The following ADK variants were observed in gnomAD, a reference collection of about 807,000 sequenced individuals.
The protein encoded by ADK is N6,N6-dimethyladenosine kinase.
In ADK, 24 loss-of-function variants were observed where a neutral mutation model predicts 44.7. The ratio of observed to expected loss-of-function variants is 0.54; its 90% confidence interval spans 0.39 to 0.76. The LOEUF (loss-of-function observed/expected upper bound fraction) is 0.76, where lower values mean the gene tolerates loss of function less well. Among genes scored for constraint, ADK ranks in the 30% least tolerant of loss-of-function variants. The probability of loss-of-function intolerance (pLI) is 0.00; values close to 1 mark genes in which losing one functional copy is unlikely to be tolerated. For missense variants in ADK, 321 were observed against 425.1 expected, an observed-to-expected ratio of 0.76 and a Z score of 2.15; for synonymous variants, 128 against 142.6, an observed-to-expected ratio of 0.90 and a Z score of 0.73.
chr10:74,394,217 A>G lies in ADK; in HGVS notation c.350A>G (p.Lys117Arg), dbSNP rs1368430285. 1 of 1,613,986 alleles carries G rather than the reference A, an allele frequency of 6.2e-7. No homozygotes were observed. Among genetic ancestry groups the G allele is most frequent in the Non-Finnish European group, 8.5e-7 (1 of 1,179,972 alleles). ...IGIDKFGEIL[K>R]RKAAEAHVDA... ...ATAGATAAATTTGGGGAGATCCTGA[A>G]GAGAAAAGCTGCTGAAGCCCATGTG... is the stretch of plus-strand genomic sequence containing the variant. The change falls in exon 5 of 11, where the codon AAG becomes AGG. Residue 117 changes from lysine to arginine, a missense_variant. Transcript: ENST00000539909.
At chr10:74,427,165 A>G (rs563992511) in intron 6 of ADK, among the ~76,000 whole-genome samples, 20 of 152,220 alleles carry the variant, frequency 1.3e-4, no homozygotes, top group Middle Eastern at 3.4e-3. Flanking sequence ...AGAATTGCAA[A>G]CAAATCCTGA....
At chr10:74,602,401 A>G (rs1444346782) in intron 9 of ADK, among the ~76,000 whole-genome samples, 2 of 152,178 alleles carry the variant, frequency 1.3e-5, no homozygotes, top group Non-Finnish European at 2.9e-5. Flanking sequence ...AGATTTACAA[A>G]ATATTCTTTG....
At position 74,670,208 on chromosome 10, in the gene ADK, C is replaced by A. The variant is rs941124422; in HGVS notation, c.903C>A (p.Val301=). Residue 301 remains valine, a synonymous_variant, in exon 10 of 11, where the codon GTC becomes GTA. Transcript: ENST00000539909. ...ATESEVTAFA[V]LDQDQKEIID... is the part of the protein sequence containing the mutation. ...AAAGTGAAGTCACTGCTTTTGCTGT[C>A]TTGGATCAAGACCAGAAAGAAATTA... 2 of 1,613,882 alleles carry A rather than the reference C, an allele frequency of 1.2e-6. No individual in the cohort carries two copies.
chr10:74,301,295 A>G (rs1447872990), intron 3 of ADK, among the ~76,000 whole-genome samples: 1 of 152,060 alleles, frequency 6.6e-6, no homozygotes, highest in East Asian at 1.9e-4. Flanking sequence ...CAGGTGGATC[A>G]TGAGGTCAGG....
In ADK at chr10:74,427,625, G is replaced by C. The variant is rs1844843881; in HGVS notation, c.555+29046G>C. On this transcript the variant is annotated intron_variant, in intron 6 of 10. Coordinates refer to ENST00000539909, the MANE Select transcript of ADK (RefSeq NM_006721.4). ...CAGGAGGAAGACAGGTAAGAATTCT[G>C]TGTAGAGGAATTGGATTGGAGGTGT... Among the ~76,000 whole-genome samples the C allele has an allele frequency of 2.0e-5, 3 of 152,174 alleles. No homozygotes were observed. The South Asian group carries it at 6.2e-4, about 32-fold the overall frequency.
chr10:74,423,568 G>A lies in ADK; in HGVS notation c.555+24989G>A, dbSNP rs140541748. The A allele has an allele frequency of 1.9e-3, 452 of 240,112 alleles. 1 individual carries two copies. Among genetic ancestry groups the A allele is most frequent in the South Asian group, 2.3e-3 (47 of 20,840 alleles). 14.9% of individuals were successfully genotyped at this position (240,112 alleles called of 1,614,324 possible). A position where few individuals can be genotyped will look rare whatever the true frequency, so the allele number is the denominator to read the frequency against. ...CTCTCGCCGTGTAAACTTCATTCAC[G>A]TTCATTGCAGTCTTTACTGATGTCT... On this transcript the variant is annotated intron_variant, in intron 6 of 10. Coordinates refer to ENST00000539909, the MANE Select transcript of ADK (RefSeq NM_006721.4).
At chr10:74,302,190 G>A (rs373901416) in intron 3 of ADK, among the ~76,000 whole-genome samples, 4 of 127,224 alleles carry the variant, frequency 3.1e-5, no homozygotes, top group Non-Finnish European at 1.6e-5. Context: ...GTGCAGTGGC[G>A]TGATCTTGGC....
intron 9 of ADK, among the ~76,000 whole-genome samples, chr10:74,622,130 T>C (rs1350529307): frequency 2.0e-5 from 3 of 152,134 alleles, no homozygotes; most frequent in Non-Finnish European, 2.9e-5. Context: ...ACTTTATTGT[T>C]TTCCCCTCCT....
At chr10:74,425,156 A>G (rs780839263) in intron 6 of ADK, among the ~76,000 whole-genome samples, 18 of 152,202 alleles carry the variant, frequency 1.2e-4, no homozygotes, top group African/African-American at 3.9e-4. Context: ...GATACTGTCA[A>G]CCTGGGAACA....
chr10:74,366,725 T>C (rs570267329), intron 4 of ADK, among the ~76,000 whole-genome samples: 1 of 151,908 alleles, frequency 6.6e-6, no homozygotes, highest in East Asian at 1.9e-4. Flanking sequence ...AGTCTAGGAG[T>C]TCGAGATTAG....
chr10:74,503,393 T>C (rs543829432), intron 6 of ADK, among the ~76,000 whole-genome samples: 2 of 152,312 alleles, frequency 1.3e-5, no homozygotes, highest in African/African-American at 4.8e-5. Context: ...ATAGGAAAGA[T>C]AGATTACTGT....
chr10:74,694,147 A>ATTTTTTTTTTTTTTTTTTTTTTTTTT (rs10669118), intron 10 of ADK, among the ~76,000 whole-genome samples: 2 of 82,304 alleles, frequency 2.4e-5, no homozygotes, highest in Non-Finnish European at 2.1e-5. Flanking sequence ...TTTCAAACAC[A>ATTTTTTTTTTTTTTTTTTTTTTTTTT]TTTTTTTTTT....
intron 4 of ADK, among the ~76,000 whole-genome samples, chr10:74,365,548 T>C (rs1336729276): frequency 6.6e-6 from 1 of 152,242 alleles, no homozygotes; most frequent in Non-Finnish European, 1.5e-5. Flanking sequence ...TGTTTCTGCC[T>C]TTTGAATGCC....
chr10:74,607,542 A>T (rs1286325633), intron 9 of ADK, among the ~76,000 whole-genome samples: 1 of 152,120 alleles, frequency 6.6e-6, no homozygotes, highest in Non-Finnish European at 1.5e-5. Context: ...TTTCTTTAAG[A>T]ATGTTGAATG....
At chr10:74,582,211 CTGTT>C (rs1851395359) in intron 7 of ADK, among the ~76,000 whole-genome samples, 2 of 151,922 alleles carry the variant, frequency 1.3e-5, no homozygotes. Context: ...GTAGTGCCAA[CTGTT>C]TGGGAGGCTG....
rs1564642239 is a variant in ADK, at chr10:74,302,101, G to GTTTTTTTTTTTTTTTTT, written c.195-12563_195-12562insTTTTTTTTTTTTTTTTT. Among the ~76,000 whole-genome samples the GTTTTTTTTTTTTTTTTT allele has an allele frequency of 4.3e-4, 5 of 11,704 alleles. 1 individual carries two copies. The highest frequency in any genetic ancestry group is 1.4e-3 in the African/African-American group (5 of 3,542). 7.7% of individuals were successfully genotyped at this position (11,704 alleles called of 152,430 possible). ...TTCTTTTCTTTTCTGTTTTTTTTTT[G>GTTTTTTTTTTTTTTTTT]TTTGTTTGTTTTTTTTTTTTTTTTT... On this transcript the variant is annotated intron_variant, in intron 3 of 10. Coordinates refer to ENST00000539909, the MANE Select transcript of ADK (RefSeq NM_006721.4).
intron 6 of ADK, among the ~76,000 whole-genome samples, chr10:74,453,152 T>C (rs903919841): frequency 4.6e-5 from 7 of 152,092 alleles, no homozygotes; most frequent in African/African-American, 1.7e-4. Flanking sequence ...AAGAATTTAC[T>C]AAATTTAAAA....
chr10:74,524,257 T>G (rs2133614636), intron 6 of ADK, among the ~76,000 whole-genome samples: 1 of 152,348 alleles, frequency 6.6e-6, no homozygotes. Context: ...TTAAAGAAAT[T>G]TAAAGAAAAT....
chr10:74,707,486 G>A (rs1027016332), intron 10 of ADK, among the ~76,000 whole-genome samples: 3 of 152,062 alleles, frequency 2.0e-5, no homozygotes, highest in Admixed American at 2.0e-4. Flanking sequence ...TCCCTGGCTG[G>A]GTGTGGTGGC....
Sources: gnomAD v4.1 joint callset for allele counts (sites outside exome capture counted in the v4.1 genomes callset) on GRCh38, gnomAD v4.1.1 for gene constraint, MANE v1.5 for transcripts, NCBI Gene and HGNC (gene_info 2026-07-23, HGNC 2026-07-21) for gene names.